The following LMCD1 variants were observed in gnomAD, a reference collection of about 807,000 sequenced individuals.
LMCD1 encodes LIM and cysteine rich domains 1.
A neutral mutation model predicts 42.7 loss-of-function variants in LMCD1; 32 were observed. That is an observed-to-expected ratio of 0.75 (90% CI 0.57 to 1.01). The LOEUF (loss-of-function observed/expected upper bound fraction) is 1.01, where lower values mean the gene tolerates loss of function less well. LMCD1 is among the 50% of genes least tolerant of loss of function. The pLI, the probability that LMCD1 is intolerant of heterozygous loss-of-function variation, is 0.00. For missense variants in LMCD1, 458 were observed against 483.1 expected (o/e 0.95, Z 0.49); for synonymous variants, 178 against 184.9 (o/e 0.96, Z 0.30).
chr3:8,545,161 C>T (rs1255255874), intron 3 of LMCD1, among the ~76,000 whole-genome samples: 1 of 152,040 alleles, frequency 6.6e-6, no homozygotes, highest in African/African-American at 2.4e-5. Flanking sequence ...CCATGAAATA[C>T]CTTATGTCCA....
At chr3:8,543,866 C>CTAAA (rs1694683069) in intron 3 of LMCD1, among the ~76,000 whole-genome samples, 2 of 152,174 alleles carry the variant, frequency 1.3e-5, no homozygotes, top group African/African-American at 4.8e-5. Flanking sequence ...CTTATGCACC[C>CTAAA]TAAAGTTTGA....
Position 8,548,838 on chromosome 3 carries a change from G to A in LMCD1, c.658G>A (p.Gly220Arg), listed in dbSNP as rs756599844. 2 of 1,594,200 alleles carry A rather than the reference G, an allele frequency of 1.3e-6. No individual in the cohort carries two copies. The highest frequency in any genetic ancestry group is 1.3e-5 in the African/African-American group (1 of 74,826). ...GGGGAAGCAGCAGGAAAAGCCAGAG[G>A]GGGCAGAGACCACTGCTGCTACCAC... ...EEGKQQEKPE[G>R]AETTAATTNG... The change falls in exon 4 of 6, where the codon GGG becomes AGG. Residue 220 changes from glycine to arginine, a missense_variant. Coordinates refer to ENST00000157600, the MANE Select transcript of LMCD1 (RefSeq NM_014583.4).
intron 4 of LMCD1, among the ~76,000 whole-genome samples, chr3:8,560,146 T>C (rs563016398): frequency 6.6e-6 from 1 of 152,330 alleles, no homozygotes; most frequent in South Asian, 2.1e-4. Flanking sequence ...ATGCCTATAA[T>C]CCCAGCACTT....
rs1220687880 is a variant in LMCD1, at chr3:8,517,778, A to G, written c.43-14959A>G. On this transcript the variant is annotated intron_variant, in intron 1 of 5. Coordinates refer to ENST00000157600, the MANE Select transcript of LMCD1 (RefSeq NM_014583.4). Reference sequence around the variant, plus strand: ...ACCTAGCTAGAATTTAATGACTCATATTTATTGCATTTGTTGTGGTTACCA... The same window carrying G: ...ACCTAGCTAGAATTTAATGACTCATGTTTATTGCATTTGTTGTGGTTACCA... 2.0e-5 allele frequency among the ~76,000 whole-genome samples: 3 copies of G among 152,186 alleles called. No homozygotes were observed. In the East Asian group the frequency reaches 5.8e-4, roughly 29 times the overall value.
At chr3:8,504,280 C>T (rs964879977) in intron 1 of LMCD1, among the ~76,000 whole-genome samples, 2 of 152,178 alleles carry the variant, frequency 1.3e-5, no homozygotes, top group African/African-American at 2.4e-5. Flanking sequence ...ATCAGCAACA[C>T]GCTGAAAAGC....
At chr3:8,565,855 C>A (rs935843659) in intron 5 of LMCD1, among the ~76,000 whole-genome samples, 2 of 152,260 alleles carry the variant, frequency 1.3e-5, no homozygotes. Context: ...GGGTCAGACA[C>A]AGTGCCGGTG....
At chr3:8,551,039 A>C (rs1694830445) in intron 4 of LMCD1, 1 of 985,332 alleles carries the variant, frequency 1.0e-6, no homozygotes, top group Admixed American at 6.1e-5. Context: ...TAAATGGAAA[A>C]GGCCAAAGTC....
chr3:8,542,447 C>T (rs886284530), intron 3 of LMCD1, among the ~76,000 whole-genome samples: 2 of 152,144 alleles, frequency 1.3e-5, no homozygotes, highest in Admixed American at 6.5e-5. Context: ...ACACCGTGAA[C>T]GCAGGGGTCA....
chr3:8,565,684 G>A lies in LMCD1; in HGVS notation c.939+37G>A, dbSNP rs751604432. The A allele has an allele frequency of 5.2e-6, 8 of 1,535,734 alleles. No homozygotes were observed. In the South Asian group the frequency reaches 9.5e-5, roughly 18 times the overall value. ...CCGCGAGATGGGTTAGGGGGCTTGAGGGACACTGCTGAGGGTAAAAGCCCA... is the reference window on the plus strand; with the variant it reads ...CCGCGAGATGGGTTAGGGGGCTTGAAGGACACTGCTGAGGGTAAAAGCCCA... On this transcript the variant is annotated intron_variant, in intron 5 of 5. Transcript: ENST00000157600.
intron 3 of LMCD1, among the ~76,000 whole-genome samples, chr3:8,538,898 A>G (rs1694563103): frequency 1.3e-5 from 2 of 152,206 alleles, no homozygotes; most frequent in African/African-American, 2.4e-5. Flanking sequence ...TAGGCCAGAG[A>G]TGCTCTAAGT....
intron 1 of LMCD1, among the ~76,000 whole-genome samples, chr3:8,506,843 G>A (rs73127935): frequency 0.026 from 3,923 of 152,256 alleles, 93 homozygotes; most frequent in African/African-American, 0.059. Context: ...ATTTGGATGA[G>A]AACCAGGGTT....
chr3:8,567,220 A>ATT (rs148408320), intron 5 of LMCD1, among the ~76,000 whole-genome samples: 24 of 152,016 alleles, frequency 1.6e-4, no homozygotes, highest in African/African-American at 5.8e-4. Context: ...GTAGTGGAGG[A>ATT]TTTTTTTTAT....
chr3:8,508,829 A>C (rs548611118), intron 1 of LMCD1, among the ~76,000 whole-genome samples: 86 of 152,344 alleles, frequency 5.6e-4, no homozygotes, highest in African/African-American at 1.9e-3. Flanking sequence ...AGAGTATCCC[A>C]GTTTTGTGTC....
At chr3:8,509,454 A>C (rs2125010401) in intron 1 of LMCD1, among the ~76,000 whole-genome samples, 1 of 152,346 alleles carries the variant, frequency 6.6e-6, no homozygotes, top group Non-Finnish European at 1.5e-5. Context: ...CTTGCTTATA[A>C]GATAGGGCAA....
In LMCD1 at chr3:8,546,145, C is replaced by G. The variant is rs535252389; in HGVS notation, c.388-2423C>G. On this transcript the variant is annotated intron_variant, in intron 3 of 5. Transcript: ENST00000157600. ...GAGACTCTGTCTCAAAAAAACAAAA[C>G]AAAACAAAAAAAAAGAGAAAGTCAG... is the stretch of plus-strand genomic sequence containing the variant. 2.6e-5 allele frequency among the ~76,000 whole-genome samples: 4 copies of G among 151,254 alleles called. No homozygotes were observed. In the South Asian group the frequency reaches 8.4e-4, roughly 32 times the overall value.
intron 1 of LMCD1, among the ~76,000 whole-genome samples, chr3:8,517,666 G>T (rs1478663581): frequency 6.6e-6 from 1 of 152,060 alleles, no homozygotes; most frequent in Middle Eastern, 3.2e-3. Flanking sequence ...ATGCTAAAAC[G>T]CCTTTATCAT....
At chr3:8,552,400 C>A (rs1694856658) in intron 4 of LMCD1, among the ~76,000 whole-genome samples, 1 of 152,212 alleles carries the variant, frequency 6.6e-6, no homozygotes, top group South Asian at 2.1e-4. Context: ...ACGTGAGTTT[C>A]TTTACAGCAG....
At chr3:8,533,441 G>A (rs1694450499) in intron 2 of LMCD1, among the ~76,000 whole-genome samples, 1 of 152,126 alleles carries the variant, frequency 6.6e-6, no homozygotes. Flanking sequence ...CTATGTGGAT[G>A]GCACCTCTGG....
intron 4 of LMCD1, among the ~76,000 whole-genome samples, chr3:8,554,650 C>A (rs1352128288): frequency 1.3e-5 from 2 of 152,170 alleles, no homozygotes; most frequent in Non-Finnish European, 2.9e-5. Context: ...CTCGCGCACT[C>A]TCCAAGCCCT....
Sources: allele counts gnomAD v4.1 joint callset (sites outside exome capture counted in the v4.1 genomes callset), GRCh38; gene constraint gnomAD v4.1.1; transcripts MANE v1.5; gene names NCBI Gene and HGNC (gene_info 2026-07-23, HGNC 2026-07-21).